The following COMT variants were observed in gnomAD, a reference collection of about 807,000 sequenced individuals.
COMT encodes the protein catechol-O-methyltransferase, also known as catechol O-methyltransferase.
In COMT, 13 loss-of-function variants were observed where a neutral mutation model predicts 18.9. The observed-to-expected ratio is 0.69, with a 90% CI of 0.45 to 1.09. The LOEUF (loss-of-function observed/expected upper bound fraction) is 1.09, where lower values mean the gene tolerates loss of function less well. Ranked by LOEUF, COMT falls within the 50% of genes least tolerant of loss-of-function variation. The pLI is 0.00. For synonymous variants in COMT, 150 were observed against 160.9 expected, an observed-to-expected ratio of 0.93 and a Z score of 0.51; for missense variants, 329 against 361.8, an observed-to-expected ratio of 0.91 and a Z score of 0.73.
At position 19,968,696 on chromosome 22, in the gene COMT, A is replaced by C. The variant is rs1327994695; in HGVS notation, c.776A>C (p.Lys259Thr). Residue 259 changes from lysine (K) to threonine (T), a missense_variant, in exon 6 of 6, where the codon AAG becomes ACG. By Grantham distance (78) the Lys-to-Thr change is moderately conservative. Coordinates refer to ENST00000361682, the MANE Select transcript of COMT (RefSeq NM_000754.4). Reference protein sequence around the residue: ...EYREVVDGLEKAIYKGPGSEA... With the variant: ...EYREVVDGLETAIYKGPGSEA... ...AGGGAGGTGGTGGACGGCCTGGAGA[A>C]GGCCATCTACAAGGGCCCAGGCAGC... 1 of 1,613,510 alleles carries C rather than the reference A, an allele frequency of 6.2e-7. No individual in the cohort carries two copies. The highest frequency in any genetic ancestry group is 8.5e-7 in the Non-Finnish European group (1 of 1,179,992).
chr22:19,956,837 A>G (rs2146149192), intron 1 of COMT, among the ~76,000 whole-genome samples: 1 of 152,296 alleles, frequency 6.6e-6, no homozygotes, highest in South Asian at 2.1e-4. Context: ...CAGCCTCCCA[A>G]AGTATTGGGA....
At chr22:19,953,388 G>A (rs902393535) in intron 1 of COMT, among the ~76,000 whole-genome samples, 4 of 152,136 alleles carry the variant, frequency 2.6e-5, no homozygotes, top group Admixed American at 6.5e-5. Context: ...CCACCTCCAC[G>A]GTTCAAGCGA....
intron 1 of COMT, among the ~76,000 whole-genome samples, chr22:19,952,946 G>T (rs922279789): frequency 6.7e-6 from 1 of 149,782 alleles, no homozygotes; most frequent in Non-Finnish European, 1.5e-5. Flanking sequence ...GTGACAGCCC[G>T]TCTCAAAAAA....
intron 5 of COMT, among the ~76,000 whole-genome samples, chr22:19,965,984 G>A (rs1942370245): frequency 1.3e-5 from 2 of 152,248 alleles, no homozygotes; most frequent in South Asian, 2.1e-4. Context: ...CTGGGCCTGC[G>A]TTACTGCGGC....
chr22:19,941,946 G>A (rs1342861355), intron 1 of COMT, 49 bp downstream of exon 1: 5 of 792,340 alleles, frequency 6.3e-6, no homozygotes, highest in Non-Finnish European at 8.9e-6. Context: ...ATTCGGGGCG[G>A]GGGCCTTCAG....
rs1942282367 is a variant in COMT at position 19,964,278 on chromosome 22, G to A, written c.594G>A (p.Leu198=). 1 of 1,614,040 alleles carries A rather than the reference G, an allele frequency of 6.2e-7. No homozygotes were observed. Among genetic ancestry groups the A allele is most frequent in the Middle Eastern group, 1.6e-4 (1 of 6,062 alleles). ...TCGACCACTGGAAGGACCGGTACCTGCCGGACACGCTTCTCTTGGAGGTGA... is the reference window on the plus strand; with the variant it reads ...TCGACCACTGGAAGGACCGGTACCTACCGGACACGCTTCTCTTGGAGGTGA... ...VFLDHWKDRY[L]PDTLLLEECG... is the part of the protein sequence containing the mutation. The change falls in exon 5 of 6, where the codon CTG becomes CTA. Residue 198 remains leucine (L), a synonymous_variant. Transcript: ENST00000361682.
intron 1 of COMT, among the ~76,000 whole-genome samples, chr22:19,955,731 A>G (rs9332351): frequency 0.048 from 7,244 of 152,222 alleles, 491 homozygotes; most frequent in African/African-American, 0.15. Flanking sequence ...TCCAAGCCAC[A>G]GTGGCTCTCA....
chr22:19,941,968 A>G, intron 1 of COMT, 71 bp downstream of exon 1: 1 of 593,116 alleles, frequency 1.7e-6, no homozygotes, highest in African/African-American at 2.0e-5. Context: ...CCTAGGGTGG[A>G]ACACTGGGAT....
At chr22:19,950,241 CTTTTTTTTTTTT>C (rs55653258) in intron 1 of COMT, among the ~76,000 whole-genome samples, 1 of 87,850 alleles carries the variant, frequency 1.1e-5, no homozygotes, top group South Asian at 4.0e-4. Context: ...CTTTTCTTTT[CTTTTTTTTTTTT>C]TTTTTTTTTT....
Position 19,962,821 on chromosome 22 carries a change from G to A in COMT, c.289+6G>A. 6.2e-7 allele frequency: 1 copy of A among 1,600,178 alleles called. No homozygotes were observed. Among genetic ancestry groups the A allele is most frequent in the African/African-American group, 1.3e-5 (1 of 74,898 alleles). On this transcript the variant is annotated splice_donor_region_variant and intron_variant, in intron 3 of 5. Coordinates refer to ENST00000361682, the MANE Select transcript of COMT (RefSeq NM_000754.4). ...GAACGTGGGCGACAAGAAAGGTGGG[G>A]TCCGGGCCAGCAGGTGCTCAGCTCT...
chr22:19,953,092 G>T (rs1359287095), intron 1 of COMT, among the ~76,000 whole-genome samples: 1 of 152,192 alleles, frequency 6.6e-6, no homozygotes, highest in Non-Finnish European at 1.5e-5. Flanking sequence ...GCTCAGAGGA[G>T]CCTGGCCGGA....
At chr22:19,966,746 T>C (rs1942419547) in intron 5 of COMT, among the ~76,000 whole-genome samples, 1 of 149,458 alleles carries the variant, frequency 6.7e-6, no homozygotes, top group South Asian at 2.1e-4. Context: ...GGCTCCAACT[T>C]TTTGTTGTTG....
At chr22:19,964,343 A>G in intron 5 of COMT, 44 bp downstream of exon 5, 1 of 1,613,426 alleles carries the variant, frequency 6.2e-7, no homozygotes, top group Non-Finnish European at 8.5e-7. Flanking sequence ...TGCTGCCCAG[A>G]GCCCATTCAG....
intron 1 of COMT, among the ~76,000 whole-genome samples, chr22:19,956,985 CTG>C (rs931752023): frequency 1.3e-5 from 2 of 150,270 alleles, no homozygotes; most frequent in African/African-American, 4.9e-5. Flanking sequence ...GAGTCTCACT[CTG>C]TTACCCAGGC....
At position 19,957,106 on chromosome 22, in the gene COMT, A is replaced by C. The variant is rs983921806; in HGVS notation, c.-91-4093A>C. On this transcript the variant is annotated intron_variant, in intron 1 of 5. Transcript: ENST00000361682. ...GCTGGGACTACAGGTGCCTGCCACC[A>C]CACCCGGCCAATTTTTTGTATTTTT... Among the ~76,000 whole-genome samples, 120 of 151,558 alleles carry C rather than the reference A, an allele frequency of 7.9e-4. 2 individuals are homozygous for C. Among genetic ancestry groups the C allele is most frequent in the Non-Finnish European group, 3.1e-4 (21 of 67,902 alleles).
chr22:19,942,729 A>G (rs935357884), intron 1 of COMT, among the ~76,000 whole-genome samples: 2 of 152,222 alleles, frequency 1.3e-5, no homozygotes, highest in Non-Finnish European at 2.9e-5. Context: ...GTAACTACTG[A>G]CAACATGAGA....
intron 5 of COMT, among the ~76,000 whole-genome samples, chr22:19,966,666 C>T (rs1321431209): frequency 6.6e-6 from 1 of 152,086 alleles, no homozygotes; most frequent in Admixed American, 6.6e-5. Flanking sequence ...GTCTCAAACT[C>T]CTGGCCTCAA....
chr22:19,967,497 G>C, intron 5 of COMT: 1 of 424,400 alleles, frequency 2.4e-6, no homozygotes, highest in Non-Finnish European at 4.7e-6. Context: ...CCTTGCAGCC[G>C]TGTGGTGTCC....
intron 1 of COMT, among the ~76,000 whole-genome samples, chr22:19,951,307 C>T (rs539052047): frequency 7.5e-6 from 1 of 132,630 alleles, no homozygotes; most frequent in Admixed American, 9.2e-5. Context: ...TGCAATGAGC[C>T]GAGATTATGC....
Sources: allele counts gnomAD v4.1 joint callset (sites outside exome capture counted in the v4.1 genomes callset), GRCh38; gene constraint gnomAD v4.1.1; transcripts MANE v1.5; gene names NCBI Gene and HGNC (gene_info 2026-07-23, HGNC 2026-07-21).